Variants in RHPN2 observed in about 807,000 individuals in gnomAD.
RHPN2 encodes the protein rhophilin-2.
In RHPN2, 40 loss-of-function variants were observed where a neutral mutation model predicts 79.0. That is an observed-to-expected ratio of 0.51 (90% confidence interval 0.39 to 0.66). RHPN2 has a LOEUF of 0.66. RHPN2 is among the 30% of genes least tolerant of loss of function. RHPN2 has a pLI of 0.00. For missense variants in RHPN2, 686 were observed against 883.5 expected (o/e 0.78, Z 2.83); for synonymous variants, 285 against 363.5 (o/e 0.78, Z 2.46).
At chr19:32,987,771 C>T (rs1305255223) in intron 14 of RHPN2, among the ~76,000 whole-genome samples, 3 of 152,196 alleles carry the variant, frequency 2.0e-5, no homozygotes, top group African/African-American at 4.8e-5. Flanking sequence ...TAAGACTTCA[C>T]ATTCGATCTC....
At chr19:33,026,061 G>A (rs569403937) in intron 3 of RHPN2, among the ~76,000 whole-genome samples, 18 of 143,644 alleles carry the variant, frequency 1.3e-4, no homozygotes, top group East Asian at 2.1e-4. Context: ...GTGTGATCTC[G>A]GCTCACTGAA....
chr19:33,053,425 C>CTT (rs11297306), intron 1 of RHPN2, among the ~76,000 whole-genome samples: 3 of 132,032 alleles, frequency 2.3e-5, no homozygotes, highest in Non-Finnish European at 4.8e-5. Flanking sequence ...AACAGTTTTG[C>CTT]TTTTTTTTTT....
chr19:32,984,398 C>T (rs1971599280), intron 14 of RHPN2, among the ~76,000 whole-genome samples: 1 of 152,124 alleles, frequency 6.6e-6, no homozygotes, highest in East Asian at 1.9e-4. Context: ...TGGCTCACTC[C>T]TGTAATCCCA....
At chr19:33,038,301 C>CAA (rs767189996) in intron 2 of RHPN2, among the ~76,000 whole-genome samples, 5 of 121,794 alleles carry the variant, frequency 4.1e-5, no homozygotes, top group Admixed American at 8.6e-5. Flanking sequence ...GACTCCATCT[C>CAA]AAAAAAAAAA....
At chr19:33,016,132 AAATT>A (rs1471385951) in intron 4 of RHPN2, among the ~76,000 whole-genome samples, 1 of 152,190 alleles carries the variant, frequency 6.6e-6, no homozygotes, top group Non-Finnish European at 1.5e-5. Context: ...TCTAGGGATA[AAATT>A]AATATAATTA....
intron 4 of RHPN2, among the ~76,000 whole-genome samples, chr19:33,015,997 C>G (rs1480919431): frequency 6.6e-6 from 1 of 152,052 alleles, no homozygotes; most frequent in Non-Finnish European, 1.5e-5. Context: ...TTGCAGTGAG[C>G]CAAGATTGTA....
chr19:32,989,920 C>T (rs1409718643), intron 14 of RHPN2, among the ~76,000 whole-genome samples: 9 of 152,000 alleles, frequency 5.9e-5, no homozygotes, highest in Non-Finnish European at 1.3e-4. Flanking sequence ...CTGGCTAACA[C>T]GGTGAGACCC....
intron 1 of RHPN2, among the ~76,000 whole-genome samples, chr19:33,061,441 G>A (rs1198691643): frequency 4.6e-5 from 7 of 151,042 alleles, no homozygotes; most frequent in Admixed American, 4.0e-4. Context: ...TCCTGACCTC[G>A]TGATCCACTA....
At chr19:33,025,971 G>A (rs900960541) in intron 3 of RHPN2, among the ~76,000 whole-genome samples, 4 of 143,444 alleles carry the variant, frequency 2.8e-5, no homozygotes, top group African/African-American at 1.1e-4. Context: ...ATTTTATACT[G>A]TGTTCATTTG....
intron 2 of RHPN2, among the ~76,000 whole-genome samples, chr19:33,038,731 C>T (rs1972077459): frequency 6.6e-6 from 1 of 152,162 alleles, no homozygotes; most frequent in Non-Finnish European, 1.5e-5. Flanking sequence ...GATCTCGGCT[C>T]ACTGCAACCT....
At chr19:33,057,882 C>T (rs1025743257) in intron 1 of RHPN2, among the ~76,000 whole-genome samples, 4 of 150,106 alleles carry the variant, frequency 2.7e-5, no homozygotes, top group African/African-American at 7.4e-5. Context: ...CTCCTGGGCT[C>T]GGCGCAGTGG....
intron 1 of RHPN2, among the ~76,000 whole-genome samples, chr19:33,062,329 A>G (rs1308804855): frequency 1.3e-5 from 2 of 151,854 alleles, no homozygotes; most frequent in Non-Finnish European, 2.9e-5. Context: ...GGCGTGGTTG[A>G]TATGCGCCTG....
intron 7 of RHPN2, among the ~76,000 whole-genome samples, chr19:33,005,179 C>T (rs1466678553): frequency 2.0e-5 from 3 of 151,462 alleles, no homozygotes; most frequent in Non-Finnish European, 4.4e-5. Context: ...TTTGGGAGGC[C>T]GAGGTGGGCG....
At chr19:33,038,904 C>T (rs920065476) in intron 2 of RHPN2, among the ~76,000 whole-genome samples, 3 of 152,046 alleles carry the variant, frequency 2.0e-5, no homozygotes, top group Admixed American at 6.6e-5. Flanking sequence ...ATGATTTGCC[C>T]GCTTCAGCCT....
intron 2 of RHPN2, among the ~76,000 whole-genome samples, chr19:33,027,911 G>T (rs1445236650): frequency 6.6e-6 from 1 of 152,142 alleles, no homozygotes; most frequent in Non-Finnish European, 1.5e-5. Flanking sequence ...CACACTTAGT[G>T]GTGAATGACT....
intron 10 of RHPN2, among the ~76,000 whole-genome samples, chr19:32,998,957 AGAG>A (rs1442437605): frequency 1.7e-5 from 2 of 115,556 alleles, no homozygotes. Flanking sequence ...AGAGAACAGG[AGAG>A]GAGGGGAAGG....
chr19:33,011,581 G>A, intron 6 of RHPN2, 98 bp downstream of exon 6: 1 of 1,460,196 alleles, frequency 6.8e-7, no homozygotes, highest in East Asian at 2.3e-5. Context: ...GGGCTGAGGT[G>A]CACAGGGGCA....
intron 14 of RHPN2, among the ~76,000 whole-genome samples, chr19:32,983,678 A>AGTG (rs1249734654): frequency 7.6e-6 from 1 of 132,138 alleles, no homozygotes; most frequent in Non-Finnish European, 1.5e-5. Context: ...ACCAGACTGG[A>AGTG]GTGCAGTGGC....
intron 2 of RHPN2, among the ~76,000 whole-genome samples, chr19:33,036,945 C>T (rs1373567328): frequency 6.6e-6 from 1 of 152,044 alleles, no homozygotes. Flanking sequence ...CTCCACGGCA[C>T]CCAGTCCTAT....
Sources: gnomAD v4.1 joint callset for allele counts (sites outside exome capture counted in the v4.1 genomes callset) on GRCh38, gnomAD v4.1.1 for gene constraint, MANE v1.5 for transcripts, NCBI Gene and HGNC (gene_info 2026-07-23, HGNC 2026-07-21) for gene names.